The following ELP2 variants were observed in gnomAD, a reference collection of about 807,000 sequenced individuals.
ELP2 encodes the protein elongator acetyltransferase complex subunit 2, also known as elongator complex protein 2.
In ELP2, 90 loss-of-function variants were observed where a neutral mutation model predicts 119.2. The ratio of observed to expected loss-of-function variants is 0.75; its 90% CI spans 0.64 to 0.90. The LOEUF is 0.90. Among genes scored for constraint, ELP2 ranks in the 40% least tolerant of loss-of-function variants. The pLI, the probability that ELP2 is intolerant of heterozygous loss-of-function variation, is 0.00. For missense variants in ELP2, 921 were observed against 967.8 expected (o/e 0.95, Z 0.64); for synonymous variants, 339 against 331.0 (o/e 1.02, Z -0.26).
rs374630708 is a variant in ELP2, at chr18:36,171,174, A to G, written c.2324+14A>G. On this transcript the variant is annotated intron_variant, in intron 21 of 21. Coordinates refer to ENST00000358232, the MANE Select transcript of ELP2 (RefSeq NM_018255.4). ...AACAAGTCAAAGGTATTTCTTTCCT[A>G]TTTTTGTTTCCATCAGATTAACTAG... The G allele has an allele frequency of 6.7e-5, 107 of 1,593,138 alleles. No homozygotes were observed. Among genetic ancestry groups the G allele is most frequent in the African/African-American group, 4.7e-4 (35 of 74,338 alleles).
At chr18:36,166,334 T>TTG (rs1568022492) in intron 18 of ELP2, among the ~76,000 whole-genome samples, 8 of 122,428 alleles carry the variant, frequency 6.5e-5, no homozygotes, top group East Asian at 2.5e-4. Context: ...TTTTTTTTTT[T>TTG]TTTTTTTTTT....
chr18:36,138,058 T>G (rs1389509748), intron 3 of ELP2: 2 of 543,636 alleles, frequency 3.7e-6, no homozygotes, highest in African/African-American at 3.8e-5. Context: ...TATTGTCTCC[T>G]CAGAGTAGAT....
chr18:36,167,335 C>A, intron 19 of ELP2, 113 bp downstream of exon 19: 2 of 754,952 alleles, frequency 2.6e-6, no homozygotes, highest in Admixed American at 2.9e-5. Context: ...TAAAAATCAG[C>A]TATGTATTCC....
At chr18:36,142,717 G>GT (rs891218880) in intron 7 of ELP2, 109 bp from the exon 8 acceptor site, 182 of 744,048 alleles carry the variant, frequency 2.4e-4, no homozygotes, top group Middle Eastern at 3.9e-4. Flanking sequence ...ACAAAGTATT[G>GT]TTTTTTTTCT....
chr18:36,143,101 T>C, intron 8 of ELP2, 135 bp downstream of exon 8: 1 of 664,660 alleles, frequency 1.5e-6, no homozygotes, highest in Non-Finnish European at 2.5e-6. Context: ...CTTTTTTCTT[T>C]CTTTTTTTTT....
chr18:36,170,983 G>C, intron 20 of ELP2, 64 bp from the exon 21 acceptor site: 1 of 1,168,682 alleles, frequency 8.6e-7, no homozygotes. Flanking sequence ...CTACTTTAGA[G>C]CAATGACGAA....
intron 2 of ELP2, among the ~76,000 whole-genome samples, chr18:36,135,960 T>A (rs903039445): frequency 3.3e-5 from 5 of 152,226 alleles, no homozygotes; most frequent in African/African-American, 1.2e-4. Flanking sequence ...GACATTTTAA[T>A]ATGGACTGTA....
At chr18:36,139,671 A>G in intron 5 of ELP2, 1 of 1,434,892 alleles carries the variant, frequency 7.0e-7, no homozygotes, top group Non-Finnish European at 9.2e-7. Flanking sequence ...GTTGATCTAA[A>G]GTAAGAAAAT....
At chr18:36,173,934 C>T (rs1269799411) in intron 21 of ELP2, among the ~76,000 whole-genome samples, 1 of 152,136 alleles carries the variant, frequency 6.6e-6, no homozygotes, top group Non-Finnish European at 1.5e-5. Context: ...AGCATTAATA[C>T]GATGGTCTTG....
chr18:36,159,347 A>G (rs1392759095), intron 14 of ELP2, among the ~76,000 whole-genome samples: 1 of 152,164 alleles, frequency 6.6e-6, no homozygotes, highest in Non-Finnish European at 1.5e-5. Context: ...TCCTGACCTC[A>G]GGTGATCCAC....
At chr18:36,134,545 A>G (rs2089758778) in intron 2 of ELP2, among the ~76,000 whole-genome samples, 1 of 152,210 alleles carries the variant, frequency 6.6e-6, no homozygotes, top group African/African-American at 2.4e-5. Flanking sequence ...TGTTATTTTT[A>G]AGTAAATGGT....
chr18:36,138,458 T>C (rs2144601558), intron 4 of ELP2, 32 bp downstream of exon 4: 1 of 1,608,522 alleles, frequency 6.2e-7, no homozygotes, highest in Non-Finnish European at 8.5e-7. Flanking sequence ...TCCAGACAAA[T>C]GAAATAATAT....
intron 3 of ELP2, chr18:36,136,700 C>T: frequency 3.4e-6 from 1 of 294,110 alleles, no homozygotes; most frequent in Non-Finnish European, 6.5e-6. Flanking sequence ...ATCAGCAACA[C>T]AAATGCTGTA....
At chr18:36,168,913 CTTTTTTTTTTTTTTT>C (rs61459855) in intron 19 of ELP2, among the ~76,000 whole-genome samples, 12 of 69,260 alleles carry the variant, frequency 1.7e-4, no homozygotes, top group African/African-American at 6.8e-4. Context: ...CTCTCCATTT[CTTTTTTTTTTTTTTT>C]TTTTTTTTTT....
intron 7 of ELP2, among the ~76,000 whole-genome samples, 179 bp from the exon 8 acceptor site, chr18:36,142,647 T>C (rs1388002721): frequency 1.3e-5 from 2 of 152,280 alleles, no homozygotes; most frequent in African/African-American, 4.8e-5. Flanking sequence ...TAGCATTGTA[T>C]GCATATTTGT....
intron 17 of ELP2, among the ~76,000 whole-genome samples, chr18:36,161,392 A>G (rs1430270874): frequency 6.6e-6 from 1 of 152,306 alleles, no homozygotes; most frequent in East Asian, 1.9e-4. Flanking sequence ...GACTCTGTAT[A>G]TAAAACAGCG....
Position 36,149,478 on chromosome 18 carries a change from G to GTTTTTTT in ELP2, c.1125+3101_1125+3102insTTTTTTT, listed in dbSNP as rs1239631733. On this transcript the variant is annotated intron_variant, in intron 11 of 21. Transcript: ENST00000358232. ...TAGAAACATAGTTGCAGGGTTTTTTGTTTTGTTTTGTTTTTTTTTTTTTTG... is the reference window on the plus strand; with the variant it reads ...TAGAAACATAGTTGCAGGGTTTTTTGTTTTTTTTTTTGTTTTGTTTTTTTTTTTTTTG... 3.3e-3 allele frequency among the ~76,000 whole-genome samples: 214 copies of GTTTTTTT among 64,454 alleles called. 19 individuals are homozygous for GTTTTTTT. The highest frequency in any genetic ancestry group is 5.8e-3 in the South Asian group (13 of 2,226). 42.3% of individuals were successfully genotyped at this position (64,454 alleles called of 152,430 possible). A position where few individuals can be genotyped will look rare whatever the true frequency, so the allele number is the denominator to read the frequency against.
At chr18:36,174,113 T>C (rs1033225046) in intron 21 of ELP2, among the ~76,000 whole-genome samples, 1 of 152,220 alleles carries the variant, frequency 6.6e-6, no homozygotes, top group Non-Finnish European at 1.5e-5. Context: ...AAAGTTAAAA[T>C]TGTTATAAAT....
chr18:36,171,236 A>G (rs1162921807), intron 21 of ELP2, 76 bp downstream of exon 21: 7 of 958,358 alleles, frequency 7.3e-6, no homozygotes, highest in African/African-American at 4.9e-5. Flanking sequence ...TTTATGCCAC[A>G]TTTTCATGGA....
Sources: allele counts gnomAD v4.1 joint callset (sites outside exome capture counted in the v4.1 genomes callset), GRCh38; gene constraint gnomAD v4.1.1; transcripts MANE v1.5; gene names NCBI Gene and HGNC (gene_info 2026-07-23, HGNC 2026-07-21).